The following CPT1A variants were observed in gnomAD, a reference collection of about 807,000 sequenced individuals.
CPT1A encodes the protein carnitine O-palmitoyltransferase 1, liver isoform.
CPT1A carries 64 observed loss-of-function variants against 100.8 expected under a neutral mutation model. The observed-to-expected ratio is 0.63, with a 90% CI of 0.52 to 0.78. The LOEUF (loss-of-function observed/expected upper bound fraction) is 0.78, where lower values mean the gene tolerates loss of function less well. Among genes scored for constraint, CPT1A ranks in the 30% least tolerant of loss-of-function variants. The pLI, the probability that CPT1A is intolerant of heterozygous loss-of-function variation, is 0.00. For synonymous variants in CPT1A, 363 were observed against 396.0 expected (o/e 0.92, Z 0.99); for missense variants, 802 against 1,034.1 (o/e 0.78, Z 3.08).
chr11:68,772,222 G>A (rs561194198), intron 14 of CPT1A, among the ~76,000 whole-genome samples: 5 of 152,228 alleles, frequency 3.3e-5, no homozygotes, highest in South Asian at 2.1e-4. Flanking sequence ...GCATGGGGGC[G>A]CACACCTGTA....
At chr11:68,837,742 G>A (rs1003611939) in intron 1 of CPT1A, among the ~76,000 whole-genome samples, 19 of 152,288 alleles carry the variant, frequency 1.2e-4, no homozygotes, top group African/African-American at 4.3e-4. Context: ...GGGAGGCTGA[G>A]GTGGGAGGAT....
Position 68,838,572 on chromosome 11 carries a change from T to TAAA in CPT1A, c.-14+3200_-14+3202dup, listed in dbSNP as rs1210532617. Among the ~76,000 whole-genome samples the TAAA allele has an allele frequency of 6.8e-4, 65 of 95,522 alleles. 6 individuals carry two copies. Among genetic ancestry groups the TAAA allele is most frequent in the African/African-American group, 2.8e-3 (56 of 19,758 alleles). The allele number at this position is 95,522 out of a possible 152,430, so 62.7% of individuals were successfully genotyped here. ...ACTCTACTCTGTATCTGCACCTTTT[T>TAAA]AAAAAAAAAAAAAAAAAAACAGAGA... is the stretch of plus-strand genomic sequence containing the variant. On this transcript the variant is annotated intron_variant, in intron 1 of 18. Coordinates refer to ENST00000265641, the MANE Select transcript of CPT1A (RefSeq NM_001876.4).
intron 1 of CPT1A, among the ~76,000 whole-genome samples, chr11:68,819,680 T>C (rs886173370): frequency 3.3e-4 from 50 of 152,364 alleles, no homozygotes; most frequent in African/African-American, 1.1e-3. Flanking sequence ...GTGTCCTTTC[T>C]AGGAGTGAAA....
intron 1 of CPT1A, among the ~76,000 whole-genome samples, chr11:68,834,952 T>C (rs1196544961): frequency 1.3e-5 from 2 of 151,700 alleles, no homozygotes; most frequent in Non-Finnish European, 2.9e-5. Context: ...TGAGCCATGA[T>C]TGCGCCACTG....
At chr11:68,819,240 G>A (rs1856514731) in intron 1 of CPT1A, among the ~76,000 whole-genome samples, 1 of 152,038 alleles carries the variant, frequency 6.6e-6, no homozygotes, top group Admixed American at 6.6e-5. Context: ...CACCACGCCT[G>A]GCTAATTTTT....
In CPT1A at chr11:68,762,667, G is replaced by C; in HGVS notation, c.1835C>G (p.Ser612Ter). Residue 612 changes from serine to a stop codon, truncating the protein, a stop_gained, in exon 15 of 19, where the codon TCA becomes TGA. Coordinates refer to ENST00000265641, the MANE Select transcript of CPT1A (RefSeq NM_001876.4). LOFTEE classifies it high-confidence loss of function. ...CACCATGGCCCGCACGAAGTCGCAT[G>C]ACTCAGTGGTGCAGGAGCGCACGGT... ...TETVRSCTTE[S>*]CDFVRAMVDP... 6.2e-7 allele frequency: 1 copy of C among 1,614,018 alleles called. No individual in the cohort carries two copies. Among genetic ancestry groups the C allele is most frequent in the Non-Finnish European group, 8.5e-7 (1 of 1,180,040 alleles).
Position 68,807,631 on chromosome 11 carries a change from T to G in CPT1A, c.289A>C (p.Met97Leu). Residue 97 changes from methionine (M) to leucine (L), a missense_variant, in exon 4 of 19, where the codon ATG (methionine) becomes CTG (leucine). This residue lies in a region of CPT1A where 161 missense variants were observed against 183.7 expected (regional missense o/e 0.88). Coordinates refer to ENST00000265641, the MANE Select transcript of CPT1A (RefSeq NM_001876.4). ...INRTLETANC[M>L]SSQTKNVVSG... is the part of the protein sequence containing the mutation. ...ACCACGTTCTTCGTCTGGCTGGACA[T>G]GCAGTTGCTGTGGAGACAGACCCAG... is the stretch of plus-strand genomic sequence containing the variant. The G allele has an allele frequency of 6.2e-7, 1 of 1,614,020 alleles. No homozygotes were observed. The highest frequency in any genetic ancestry group is 8.5e-7 in the Non-Finnish European group (1 of 1,180,036).
intron 1 of CPT1A, among the ~76,000 whole-genome samples, chr11:68,816,281 T>G (rs762032825): frequency 6.6e-5 from 10 of 152,332 alleles, no homozygotes; most frequent in South Asian, 4.1e-4. Context: ...GAAACTGTTC[T>G]AGGGTTTCGG....
chr11:68,791,460 G>A (rs1421013540), intron 9 of CPT1A, among the ~76,000 whole-genome samples: 1 of 152,232 alleles, frequency 6.6e-6, no homozygotes, highest in Non-Finnish European at 1.5e-5. Context: ...CAGTACAATG[G>A]ACGACAGTGT....
In CPT1A at chr11:68,841,434, G is replaced by A. The variant is rs1282647081; in HGVS notation, c.-14+341C>T. On this transcript the variant is annotated intron_variant, in intron 1 of 18. Coordinates refer to ENST00000265641, the MANE Select transcript of CPT1A (RefSeq NM_001876.4). The surrounding 1 kb of genome is among the most constrained non-coding windows in gnomAD (Gnocchi z 6.3). ...TAAGGAGTGGGAGACAAGGGAGCCG[G>A]TGGCCCCGCTGGCCCCGGGCCGGAG... Among the ~76,000 whole-genome samples the A allele has an allele frequency of 6.6e-6, 1 of 150,424 alleles. No individual in the cohort carries two copies. Among genetic ancestry groups the A allele is most frequent in the Non-Finnish European group, 1.5e-5 (1 of 67,472 alleles).
intron 12 of CPT1A, among the ~76,000 whole-genome samples, chr11:68,776,431 A>G (rs1010094992): frequency 2.6e-5 from 4 of 152,210 alleles, no homozygotes; most frequent in Non-Finnish European, 4.4e-5. Context: ...GAAAGAAAAG[A>G]AAAAAGAAGC....
intron 1 of CPT1A, among the ~76,000 whole-genome samples, chr11:68,827,092 G>A: frequency 6.6e-6 from 1 of 152,140 alleles, no homozygotes; most frequent in East Asian, 1.9e-4. Context: ...CAAAAACTTT[G>A]GGAGGCCAAG....
upstream of CPT1A, among the ~76,000 whole-genome samples, chr11:68,843,937 G>A (rs1029214502): frequency 6.6e-6 from 1 of 152,242 alleles, no homozygotes; most frequent in Non-Finnish European, 1.5e-5. The surrounding 1 kb of genome is among the most constrained non-coding windows in gnomAD (Gnocchi z 4.0). Context: ...CTCAGCCACC[G>A]ACAGGTCCCC....
Position 68,805,625 on chromosome 11 carries a change from G to A in CPT1A, c.454-1524C>T, listed in dbSNP as rs141402990. ...GAGGCGACCAAGCAGAAGGGCACCG[G>A]GGCCAAGGTCGGGGCAGACAAGAAA... On this transcript the variant is annotated intron_variant, in intron 4 of 18. Coordinates refer to ENST00000265641, the MANE Select transcript of CPT1A (RefSeq NM_001876.4). Among the ~76,000 whole-genome samples, 979 of 152,210 alleles carry A rather than the reference G, an allele frequency of 6.4e-3. 12 individuals carry two copies. Among genetic ancestry groups the A allele is most frequent in the African/African-American group, 0.021 (862 of 41,538 alleles).
At chr11:68,837,831 A>G (rs1346291542) in intron 1 of CPT1A, among the ~76,000 whole-genome samples, 1 of 151,656 alleles carries the variant, frequency 6.6e-6, no homozygotes, top group African/African-American at 2.4e-5. Context: ...GTCACTAAAG[A>G]AAAAAAAAGA....
chr11:68,841,929 T>A, upstream of CPT1A: 3 of 984,156 alleles, frequency 3.0e-6, no homozygotes, highest in Non-Finnish European at 3.6e-6. The surrounding 1 kb of genome is among the most constrained non-coding windows in gnomAD (Gnocchi z 6.3). Flanking sequence ...CTGAGGCGGG[T>A]CCGGCTGCGG....
In CPT1A at chr11:68,809,446, C is replaced by T. The variant is rs890928962; in HGVS notation, c.282-1808G>A. Among the ~76,000 whole-genome samples, 205 of 152,292 alleles carry T rather than the reference C, an allele frequency of 1.3e-3. 4 individuals are homozygous for T. The highest frequency in any genetic ancestry group is 0.013 in the Admixed American group (204 of 15,286). ...AAGGACATGCTCCTTACAAGGCTGT[C>T]GGGGACAAACTCAGAGACAAACCTC... On this transcript the variant is annotated intron_variant, in intron 3 of 18. Coordinates refer to ENST00000265641, the MANE Select transcript of CPT1A (RefSeq NM_001876.4).
chr11:68,838,572 T>TTTAAAAAAAA (rs1491356211), intron 1 of CPT1A, among the ~76,000 whole-genome samples: 20 of 95,524 alleles, frequency 2.1e-4, no homozygotes, highest in African/African-American at 8.1e-4. Flanking sequence ...TGCACCTTTT[T>TTTAAAAAAAA]AAAAAAAAAA....
chr11:68,839,665 C>T, intron 1 of CPT1A: 1 of 985,512 alleles, frequency 1.0e-6, no homozygotes, highest in Non-Finnish European at 1.2e-6. Context: ...GCACCGCGCT[C>T]AAGAGCCCAG....
Sources: allele counts gnomAD v4.1 joint callset (sites outside exome capture counted in the v4.1 genomes callset), GRCh38; gene constraint gnomAD v4.1.1; regional missense constraint gnomAD v4.1.1; non-coding constraint Gnocchi (gnomAD v3.1); transcripts MANE v1.5; gene names NCBI Gene and HGNC (gene_info 2026-07-23, HGNC 2026-07-21).